DLG5: variants seen among roughly 807,000 people sequenced by gnomAD.
DLG5 encodes the protein discs large MAGUK scaffold protein 5.
In DLG5, 48 loss-of-function variants were observed where a neutral mutation model predicts 189.8. That is an observed-to-expected ratio of 0.25 (90% CI 0.20 to 0.32). DLG5 has a LOEUF of 0.32. DLG5 is among the 10% of genes least tolerant of loss of function. DLG5 has a pLI of 1.00. For synonymous variants in DLG5, 1,016 were observed against 1,054.1 expected (o/e 0.96, Z 0.70); for missense variants, 2,160 against 2,544.7 (o/e 0.85, Z 3.25).
intron 13 of DLG5, 37 bp downstream of exon 13, chr10:77,828,845 C>G: frequency 6.3e-7 from 1 of 1,595,500 alleles, no homozygotes; most frequent in Non-Finnish European, 8.6e-7. Flanking sequence ...TCTGCCTATG[C>G]ACGGCAGATG....
At chr10:77,833,291 G>A (rs1199686112) in intron 9 of DLG5, among the ~76,000 whole-genome samples, 1 of 152,108 alleles carries the variant, frequency 6.6e-6, no homozygotes, top group African/African-American at 2.4e-5. Context: ...TCTTCCAAAT[G>A]GACGTCCAAA....
chr10:77,853,510 G>T lies in DLG5; in HGVS notation c.708C>A (p.Asp236Glu), dbSNP rs376554708. 17 of 1,609,184 alleles carry T rather than the reference G, an allele frequency of 1.1e-5. No homozygotes were observed. The African/African-American group carries it at 2.1e-4, about 20-fold the overall frequency. ...CCACGTCATCCTTCAGCCGAGTCTG[G>T]TCACTCAGGAGCCGGCTGTGGAGTG... is the stretch of plus-strand genomic sequence containing the variant. ...YHTLHSRLLS[D>E]QTRLKDDVDM... Residue 236 changes from aspartate to glutamate, a missense_variant, in exon 5 of 32, where the codon GAC becomes GAA. Asp to Glu is a conservative substitution (Grantham distance 45). Transcript: ENST00000372391.
At chr10:77,827,106 C>A (rs1053483272) in intron 13 of DLG5, among the ~76,000 whole-genome samples, 1 of 152,108 alleles carries the variant, frequency 6.6e-6, no homozygotes, top group Non-Finnish European at 1.5e-5. Context: ...TGATTGCCAT[C>A]GGGGTGGGAA....
In DLG5 at chr10:77,857,131, A is replaced by T. The variant is rs76663696; in HGVS notation, c.374-239T>A. Among the ~76,000 whole-genome samples the T allele has an allele frequency of 0.016, 2,432 of 152,200 alleles. 54 individuals are homozygous for T. The highest frequency in any genetic ancestry group is 0.055 in the African/African-American group (2,270 of 41,526). On this transcript the variant is annotated intron_variant, in intron 2 of 31. Transcript: ENST00000372391. The stretch of plus-strand genomic sequence containing the variant: ...CTCAACAACCCCCAGTAACCACCCC[A>T]GCAAGGACCCTGAAGACGCGCACTC...
intron 2 of DLG5, among the ~76,000 whole-genome samples, chr10:77,860,057 G>A (rs1844411558): frequency 1.3e-5 from 2 of 152,306 alleles, no homozygotes; most frequent in South Asian, 4.1e-4. Flanking sequence ...ACCAAGCCCA[G>A]GGGGAGGTTA....
At position 77,812,024 on chromosome 10, in the gene DLG5, G is replaced by A; in HGVS notation, c.4222C>T (p.Gln1408Ter). The change falls in exon 22 of 32, where the codon CAG (glutamine) becomes TAG (stop). Residue 1408 changes from glutamine (Q) to a stop codon, truncating the protein, a stop_gained. Coordinates refer to ENST00000372391, the MANE Select transcript of DLG5 (RefSeq NM_004747.4). LOFTEE classifies it high-confidence loss of function. ...NGINLRSATEQQARLIIGQQC... is the reference protein window; with the variant it reads ...NGINLRSATE ...TGCCCGATGATGAGCCGCGCCTGCT[G>A]CTCCGTGGCGCTCCGCAGGTTTATG... The A allele has an allele frequency of 6.2e-7, 1 of 1,610,896 alleles. No homozygotes were observed. The highest frequency in any genetic ancestry group is 2.2e-5 in the East Asian group (1 of 44,858).
Position 77,796,208 on chromosome 10 carries a change from G to T in DLG5, c.5309-20C>A, listed in dbSNP as rs754220432. Reference sequence around the variant, plus strand: ...TCACCTCTGCAATGCACAGACACAGGAATCAGGGAGCCCCAGGCCCTGCTG... The same window carrying T: ...TCACCTCTGCAATGCACAGACACAGTAATCAGGGAGCCCCAGGCCCTGCTG... On this transcript the variant is annotated intron_variant, in intron 28 of 31. Coordinates refer to ENST00000372391, the MANE Select transcript of DLG5 (RefSeq NM_004747.4). This position sits in a 1 kb window ranked among gnomAD's most constrained non-coding sequence, Gnocchi z 5.2. 1.2e-6 allele frequency: 2 copies of T among 1,613,872 alleles called. No homozygotes were observed. Among genetic ancestry groups the T allele is most frequent in the South Asian group, 2.2e-5 (2 of 91,078 alleles).
chr10:77,907,956 A>G (rs1226129837), intron 1 of DLG5, among the ~76,000 whole-genome samples: 2 of 152,140 alleles, frequency 1.3e-5, no homozygotes, highest in African/African-American at 4.8e-5. Flanking sequence ...CCTATGCAAC[A>G]CAACACCTAC....
intron 8 of DLG5, among the ~76,000 whole-genome samples, chr10:77,834,683 T>G (rs1564529599): frequency 6.6e-6 from 1 of 152,048 alleles, no homozygotes; most frequent in African/African-American, 2.4e-5. Context: ...GAAATGGACA[T>G]ACCCAGAGGA....
chr10:77,936,307 G>A, the DLG5 span, among the ~76,000 whole-genome samples: 9 of 152,156 alleles, frequency 5.9e-5, no homozygotes, highest in East Asian at 1.9e-4. Flanking sequence ...GCGTGGTGGT[G>A]CATGCCTGTA....
At chr10:77,907,245 A>G (rs1036890319) in intron 1 of DLG5, among the ~76,000 whole-genome samples, 4 of 152,040 alleles carry the variant, frequency 2.6e-5, no homozygotes, top group Admixed American at 1.3e-4. Context: ...CTGCCCCCCT[A>G]TGCCACTTAA....
intron 5 of DLG5, chr10:77,846,601 G>T: frequency 2.4e-6 from 1 of 423,726 alleles, no homozygotes; most frequent in Non-Finnish European, 4.7e-6. Context: ...GGAGGCTGAG[G>T]CAGGAGAATT....
At chr10:77,889,340 G>T (rs1845540452) in intron 1 of DLG5, 1 of 152,218 alleles carries the variant, frequency 6.6e-6, no homozygotes, top group African/African-American at 2.4e-5. Flanking sequence ...CATTATCAGA[G>T]AAAATGAGGT....
intron 1 of DLG5, among the ~76,000 whole-genome samples, chr10:77,880,637 C>T (rs1327885621): frequency 6.6e-6 from 1 of 152,090 alleles, no homozygotes; most frequent in South Asian, 2.1e-4. Flanking sequence ...CCCCAGTTAT[C>T]AAGGAGGCTG....
rs57321187 is a variant in DLG5 at position 77,790,805 on chromosome 10, C to G, written c.*1635G>C. 6.6e-6 allele frequency: 1 copy of G among 152,224 alleles called. No homozygotes were observed. The highest frequency in any genetic ancestry group is 2.4e-5 in the African/African-American group (1 of 41,452). 9.4% of individuals were successfully genotyped at this position (152,224 alleles called of 1,614,324 possible). On this transcript the variant is annotated 3_prime_UTR_variant, in exon 32 of 32. Coordinates refer to ENST00000372391, the MANE Select transcript of DLG5 (RefSeq NM_004747.4). ...CAAACACAGCCTTACAGAAATTGAC[C>G]TTTATTTGTTGTACTAAAGCCTGTT...
intron 29 of DLG5, among the ~76,000 whole-genome samples, chr10:77,795,604 C>T (rs1447025597): frequency 1.3e-5 from 2 of 152,142 alleles, no homozygotes; most frequent in Non-Finnish European, 2.9e-5. Context: ...CAGACGTCCC[C>T]GCCCTCGTGC....
chr10:77,881,606 T>C (rs912521998), intron 1 of DLG5, among the ~76,000 whole-genome samples: 4 of 152,168 alleles, frequency 2.6e-5, no homozygotes. Context: ...GCTAGATAAA[T>C]ATCTCCATCC....
intron 27 of DLG5, among the ~76,000 whole-genome samples, chr10:77,802,084 G>A (rs1453948746): frequency 6.6e-6 from 1 of 152,176 alleles, no homozygotes; most frequent in African/African-American, 2.4e-5. Flanking sequence ...AGCTGGGAGG[G>A]GCAAGGAACA....
intron 31 of DLG5, 175 bp from the exon 32 acceptor site, chr10:77,792,718 T>C (rs909114054): frequency 1.6e-6 from 1 of 631,080 alleles, no homozygotes; most frequent in Non-Finnish European, 2.8e-6. Flanking sequence ...GAAAGAAAAT[T>C]GCCCCTCTTG....
Sources: allele counts gnomAD v4.1 joint callset (sites outside exome capture counted in the v4.1 genomes callset), GRCh38; gene constraint gnomAD v4.1.1; non-coding constraint Gnocchi (gnomAD v3.1); transcripts MANE v1.5; gene names NCBI Gene and HGNC (gene_info 2026-07-23, HGNC 2026-07-21).